The following OCA2 variants were observed in gnomAD, a reference collection of about 807,000 sequenced individuals.
The protein encoded by OCA2 is OCA2 melanosomal transmembrane protein, also known as P protein.
A neutral mutation model predicts 100.2 loss-of-function variants in OCA2; 77 were observed. That is an observed-to-expected ratio of 0.77 (90% CI 0.64 to 0.93). The LOEUF is 0.93. Ranked by LOEUF, OCA2 falls within the 40% of genes least tolerant of loss-of-function variation. OCA2 has a pLI of 0.00. For missense variants in OCA2, 1,062 were observed against 1,089.1 expected, an observed-to-expected ratio of 0.98 and a Z score of 0.35; for synonymous variants, 432 against 439.2, an observed-to-expected ratio of 0.98 and a Z score of 0.21.
intron 23 of OCA2, among the ~76,000 whole-genome samples, chr15:27,785,528 G>T (rs1319259020): frequency 6.6e-6 from 1 of 152,102 alleles, no homozygotes; most frequent in African/African-American, 2.4e-5. Flanking sequence ...AAACCACAAT[G>T]AGATACCACT....
intron 17 of OCA2, among the ~76,000 whole-genome samples, chr15:27,953,061 A>G (rs1417709729): frequency 6.6e-6 from 1 of 152,184 alleles, no homozygotes; most frequent in Non-Finnish European, 1.5e-5. Context: ...GGTGGATTAG[A>G]TGGAGACAGC....
rs533376666 is a variant in OCA2 at position 27,957,420 on chromosome 15, C to T, written c.1784+168G>A. Among the ~76,000 whole-genome samples, 1 of 152,230 alleles carries T rather than the reference C, an allele frequency of 6.6e-6. No homozygotes were observed. Among genetic ancestry groups the T allele is most frequent in the East Asian group, 1.9e-4 (1 of 5,164 alleles). ...TGGTCCTTAAACTCGGCTGTGTACC[C>T]CCTGCAGAGCTCAGTGAGGGTTAGA... On this transcript the variant is annotated intron_variant, in intron 16 of 23. Transcript: ENST00000354638. The surrounding 1 kb of genome is among the most constrained non-coding windows in gnomAD (Gnocchi z 4.3).
intron 9 of OCA2, among the ~76,000 whole-genome samples, chr15:27,997,359 G>A: frequency 6.6e-6 from 1 of 151,780 alleles, no homozygotes; most frequent in South Asian, 2.1e-4. Flanking sequence ...TTTGTATAAG[G>A]TGTAAGGAAG....
At chr15:27,994,298 G>A (rs1436603737) in intron 9 of OCA2, among the ~76,000 whole-genome samples, 2 of 152,164 alleles carry the variant, frequency 1.3e-5, no homozygotes, top group Admixed American at 1.3e-4. Context: ...CCGATGATCT[G>A]AGGTGGAACA....
At chr15:27,746,489 A>AATAG in the OCA2 span, among the ~76,000 whole-genome samples, 2 of 88,954 alleles carry the variant, frequency 2.2e-5, no homozygotes, top group Admixed American at 1.1e-4. Flanking sequence ...TAAATAAATA[A>AATAG]ATAAATAGAA....
chr15:27,757,413 G>A (rs1254093831), intron 23 of OCA2, among the ~76,000 whole-genome samples: 1 of 152,194 alleles, frequency 6.6e-6, no homozygotes, highest in African/African-American at 2.4e-5. Context: ...GGCATGTCAT[G>A]TTACCCCTAT....
At position 27,815,378 on chromosome 15, in the gene OCA2, G is replaced by T. The variant is rs187739375; in HGVS notation, c.2432+29581C>A. Reference sequence around the variant, plus strand: ...GCAGTCAGAAATAAGCCCCTCAAAAGTAGTTTAAACCAACAATTATACAAT... The same window carrying T: ...GCAGTCAGAAATAAGCCCCTCAAAATTAGTTTAAACCAACAATTATACAAT... On this transcript the variant is annotated intron_variant, in intron 23 of 23. Transcript: ENST00000354638. 1.6e-4 allele frequency among the ~76,000 whole-genome samples: 25 copies of T among 152,254 alleles called. No homozygotes were observed. In the East Asian group the frequency reaches 2.3e-3, roughly 14 times the overall value.
At chr15:28,070,451 C>G (rs2044211726) in intron 2 of OCA2, among the ~76,000 whole-genome samples, 1 of 120,758 alleles carries the variant, frequency 8.3e-6, no homozygotes, top group Non-Finnish European at 1.6e-5. Context: ...GGGGGGTCAG[C>G]CCCCCCACCC....
chr15:27,966,998 C>T (rs1325723378), intron 14 of OCA2, among the ~76,000 whole-genome samples, 176 bp from the exon 15 acceptor site: 2 of 152,148 alleles, frequency 1.3e-5, no homozygotes, highest in Non-Finnish European at 2.9e-5. Flanking sequence ...GGCGTGGTGG[C>T]GGGTGCCTGT....
chr15:27,908,305 GA>G (rs1226334742), intron 19 of OCA2, among the ~76,000 whole-genome samples: 1 of 152,072 alleles, frequency 6.6e-6, no homozygotes, highest in Non-Finnish European at 1.5e-5. Flanking sequence ...ATACTAGGGG[GA>G]AAAAATCTTT....
At chr15:27,902,943 G>A (rs996908293) in intron 19 of OCA2, among the ~76,000 whole-genome samples, 1 of 152,240 alleles carries the variant, frequency 6.6e-6, no homozygotes, top group African/African-American at 2.4e-5. Context: ...TGGGCGGCCT[G>A]CAGAGCTCAC....
intron 23 of OCA2, among the ~76,000 whole-genome samples, chr15:27,785,567 A>G (rs1029001852): frequency 1.3e-5 from 2 of 152,250 alleles, no homozygotes; most frequent in African/African-American, 4.8e-5. Context: ...CTATTTAAAT[A>G]AAAAAGGTAA....
At chr15:27,870,827 A>G (rs2036535965) in intron 21 of OCA2, among the ~76,000 whole-genome samples, 1 of 152,130 alleles carries the variant, frequency 6.6e-6, no homozygotes, top group Non-Finnish European at 1.5e-5. Context: ...AGAGAAAGAA[A>G]GAAAGAGAAA....
At chr15:27,832,124 C>G (rs990743706) in intron 23 of OCA2, among the ~76,000 whole-genome samples, 3 of 152,210 alleles carry the variant, frequency 2.0e-5, no homozygotes, top group Non-Finnish European at 4.4e-5. Context: ...CAAGACCAAA[C>G]TCTGCATTTC....
At chr15:27,995,559 AT>A (rs5811523) in intron 9 of OCA2, among the ~76,000 whole-genome samples, 18 of 148,080 alleles carry the variant, frequency 1.2e-4, no homozygotes, top group African/African-American at 2.2e-4. Context: ...TGTCCAGCTA[AT>A]TTTTTTTTTT....
intron 5 of OCA2, among the ~76,000 whole-genome samples, chr15:28,023,358 A>T (rs2042652560): frequency 6.6e-6 from 1 of 152,132 alleles, no homozygotes; most frequent in African/African-American, 2.4e-5. Context: ...AGTTGACTGT[A>T]CTCAGCTCAA....
In OCA2 at chr15:28,005,427, T is replaced by G. The variant is rs958948165; in HGVS notation, c.1044+9349A>C. Among the ~76,000 whole-genome samples, 7 of 152,304 alleles carry G rather than the reference T, an allele frequency of 4.6e-5. 1 individual carries two copies. In the Middle Eastern group the frequency reaches 0.014, roughly 296 times the overall value. On this transcript the variant is annotated intron_variant, in intron 9 of 23. Transcript: ENST00000354638. ...CACCAAACCCACCCTCCTCTGGTCC[T>G]GCAGGTAAGACATCCAGCAGGTGCG... is the stretch of plus-strand genomic sequence containing the variant.
chr15:27,886,353 T>C (rs991957676), intron 19 of OCA2, among the ~76,000 whole-genome samples: 1 of 152,166 alleles, frequency 6.6e-6, no homozygotes, highest in African/African-American at 2.4e-5. Flanking sequence ...GGAAGCAGTG[T>C]CTCATTCAAG....
At chr15:27,793,988 TG>T in intron 23 of OCA2, among the ~76,000 whole-genome samples, 1 of 152,268 alleles carries the variant, frequency 6.6e-6, no homozygotes, top group East Asian at 1.9e-4. Context: ...TGTGTGTCAC[TG>T]GGGGCTGGGG....
Sources: allele counts gnomAD v4.1 joint callset (sites outside exome capture counted in the v4.1 genomes callset), GRCh38; gene constraint gnomAD v4.1.1; non-coding constraint Gnocchi (gnomAD v3.1); transcripts MANE v1.5; gene names NCBI Gene and HGNC (gene_info 2026-07-23, HGNC 2026-07-21).